The following PRKCZ variants were observed in gnomAD, a reference collection of about 807,000 sequenced individuals.
PRKCZ encodes protein kinase C zeta.
In PRKCZ, 33 loss-of-function variants were observed where a neutral mutation model predicts 79.5. The observed-to-expected ratio is 0.41, with a 90% CI of 0.31 to 0.55. The LOEUF is 0.55. Among genes scored for constraint, PRKCZ ranks in the 20% least tolerant of loss-of-function variants. The pLI is 0.19. For missense variants in PRKCZ, 578 were observed against 813.5 expected (o/e 0.71, Z 3.52); for synonymous variants, 342 against 320.9 (o/e 1.07, Z -0.70).
chr1:2,115,735 C>T (rs1013919067), intron 4 of PRKCZ, among the ~76,000 whole-genome samples: 4 of 152,116 alleles, frequency 2.6e-5, no homozygotes, highest in African/African-American at 7.2e-5. Flanking sequence ...CTTAGTGTAC[C>T]CGTTTATTAG....
chr1:2,052,115 C>T (rs904545303), intron 1 of PRKCZ, among the ~76,000 whole-genome samples: 2 of 152,176 alleles, frequency 1.3e-5, no homozygotes, highest in Admixed American at 6.5e-5. Context: ...AGCCACCACA[C>T]TGGGCAACAG....
Position 2,166,440 on chromosome 1 carries a change from C to T in PRKCZ, c.975-3078C>T, listed in dbSNP as rs186580708. ...TCTCAGAAAAACAGCCCCGAGGGCACGTGTCTCATGACTCCCGCCTCCCGC... is the reference window on the plus strand; with the variant it reads ...TCTCAGAAAAACAGCCCCGAGGGCATGTGTCTCATGACTCCCGCCTCCCGC... On this transcript the variant is annotated intron_variant, in intron 10 of 17. Transcript: ENST00000378567. Among the ~76,000 whole-genome samples the T allele has an allele frequency of 3.8e-3, 581 of 152,214 alleles. 3 individuals are homozygous for T. Among genetic ancestry groups the T allele is most frequent in the African/African-American group, 0.013 (524 of 41,536 alleles).
rs143384149 is a variant in PRKCZ at position 2,179,347 on chromosome 1, G to A, written c.1575+4034G>A. On this transcript the variant is annotated intron_variant, in intron 16 of 17. Transcript: ENST00000378567. ...TGAAGGAACTGGGTCCAGACAGCAC[G>A]TCCTGGCCTGGTGGCTGGGGCTGCC... is the stretch of plus-strand genomic sequence containing the variant. Among the ~76,000 whole-genome samples, 564 of 152,322 alleles carry A rather than the reference G, an allele frequency of 3.7e-3. 5 individuals carry two copies. Among genetic ancestry groups the A allele is most frequent in the African/African-American group, 0.011 (455 of 41,566 alleles).
rs529349270 is a variant in PRKCZ at position 2,147,701 on chromosome 1, C to T, written c.635-1171C>T. Among the ~76,000 whole-genome samples, 6 of 140,394 alleles carry T rather than the reference C, an allele frequency of 4.3e-5. No individual in the cohort carries two copies. The South Asian group carries it at 1.4e-3, about 33-fold the overall frequency. The allele number at this position is 140,394 out of a possible 152,430, so 92.1% of individuals were successfully genotyped here. A position where few individuals can be genotyped will look rare whatever the true frequency, so the allele number is the denominator to read the frequency against. ...GTCCATCTATCTGTTGTCCACTGAC[C>T]TGTCCACCCATCTGTCTGTTGTCCA... is the stretch of plus-strand genomic sequence containing the variant. On this transcript the variant is annotated intron_variant, in intron 7 of 17. Transcript: ENST00000378567.
intron 3 of PRKCZ, 106 bp from the exon 4 acceptor site, chr1:2,059,435 G>C: frequency 1.5e-6 from 2 of 1,375,136 alleles, no homozygotes; most frequent in Non-Finnish European, 2.0e-6. Context: ...CGTGCGCCTT[G>C]CGTGAAGTCC....
intron 4 of PRKCZ, among the ~76,000 whole-genome samples, chr1:2,108,738 G>A (rs1027205020): frequency 2.0e-5 from 3 of 152,228 alleles, no homozygotes; most frequent in Non-Finnish European, 2.9e-5. Context: ...CTGCCTGTCC[G>A]TCTTGCCTGG....
intron 1 of PRKCZ, among the ~76,000 whole-genome samples, chr1:2,053,495 C>T (rs999508849): frequency 2.0e-5 from 3 of 152,172 alleles, no homozygotes; most frequent in African/African-American, 7.2e-5. Context: ...TCCCGGGCGG[C>T]CCAGCTGGCT....
intron 3 of PRKCZ, among the ~76,000 whole-genome samples, chr1:2,058,305 A>AGTTTTTTTTTT (rs1660368652): frequency 7.1e-6 from 1 of 140,294 alleles, no homozygotes; most frequent in African/African-American, 2.9e-5. Flanking sequence ...GCCCGGCCCC[A>AGTTTTTTTTTT]ATTTTTTTTT....
In PRKCZ at chr1:2,124,356, T is replaced by C. The variant is rs1407094601; in HGVS notation, c.335-10906T>C. Among the ~76,000 whole-genome samples the C allele has an allele frequency of 9.5e-4, 117 of 122,818 alleles. 18 individuals are homozygous for C. Among genetic ancestry groups the C allele is most frequent in the African/African-American group, 2.8e-3 (83 of 29,864 alleles). 80.6% of individuals were successfully genotyped at this position (122,818 alleles called of 152,430 possible). On this transcript the variant is annotated intron_variant, in intron 4 of 17. Coordinates refer to ENST00000378567, the MANE Select transcript of PRKCZ (RefSeq NM_002744.6). ...ACGGTGGTGGTTAGGGTCACGGCGG[T>C]GGTTAGGGTCACGGCGGCGGTTAGG... is the stretch of plus-strand genomic sequence containing the variant.
chr1:2,174,031 G>C lies in PRKCZ; in HGVS notation c.1405+15G>C, dbSNP rs1279708209. On this transcript the variant is annotated intron_variant, in intron 14 of 17. Coordinates refer to ENST00000378567, the MANE Select transcript of PRKCZ (RefSeq NM_002744.6). This position sits in a 1 kb window ranked among gnomAD's most constrained non-coding sequence, Gnocchi z 6.2. Reference sequence around the variant, plus strand: ...CCTTTTCCAAGGTGCGTGCCCCGCTGTGCGTTCGTACCCCTCACCTGCACG... The same window carrying C: ...CCTTTTCCAAGGTGCGTGCCCCGCTCTGCGTTCGTACCCCTCACCTGCACG... 2 of 1,589,524 alleles carry C rather than the reference G, an allele frequency of 1.3e-6. No individual in the cohort carries two copies. Among genetic ancestry groups the C allele is most frequent in the Admixed American group, 3.4e-5 (2 of 58,144 alleles).
chr1:2,084,892 C>T (rs1475162807), intron 4 of PRKCZ, among the ~76,000 whole-genome samples: 2 of 152,116 alleles, frequency 1.3e-5, no homozygotes, highest in African/African-American at 2.4e-5. Flanking sequence ...CCTGTCGTTC[C>T]AGCTCCTCGG....
intron 4 of PRKCZ, among the ~76,000 whole-genome samples, chr1:2,091,957 G>T (rs111854428): frequency 6.6e-6 from 1 of 152,290 alleles, no homozygotes; most frequent in Non-Finnish European, 1.5e-5. Flanking sequence ...AATTATTTAA[G>T]GAGAAGACTC....
chr1:2,056,153 C>T (rs1660136348), intron 2 of PRKCZ, among the ~76,000 whole-genome samples: 1 of 152,234 alleles, frequency 6.6e-6, no homozygotes, highest in Non-Finnish European at 1.5e-5. Flanking sequence ...CCTTTCCAGC[C>T]ATAGAGGGCA....
In PRKCZ at chr1:2,169,695, A is replaced by G. The variant is rs571414883; in HGVS notation, c.1061+91A>G. 6.3e-4 allele frequency: 271 copies of G among 428,582 alleles called. 5 individuals carry two copies. The East Asian group carries it at 0.021, about 33-fold the overall frequency. The allele number at this position is 428,582 out of a possible 1,614,324, so 26.5% of individuals were successfully genotyped here. A position where few individuals can be genotyped will look rare whatever the true frequency, so the allele number is the denominator to read the frequency against. On this transcript the variant is annotated intron_variant, in intron 11 of 17. Coordinates refer to ENST00000378567, the MANE Select transcript of PRKCZ (RefSeq NM_002744.6). ...GTTGGGGGGCTGGGTGGGTGCGCACAGAGGGATGACGGGTGGGTGCGCGCG... is the reference window on the plus strand; with the variant it reads ...GTTGGGGGGCTGGGTGGGTGCGCACGGAGGGATGACGGGTGGGTGCGCGCG...
In PRKCZ at chr1:2,127,593, C is replaced by G. The variant is rs1049935285; in HGVS notation, c.335-7669C>G. On this transcript the variant is annotated intron_variant, in intron 4 of 17. Coordinates refer to ENST00000378567, the MANE Select transcript of PRKCZ (RefSeq NM_002744.6). This position sits in a 1 kb window ranked among gnomAD's most constrained non-coding sequence, Gnocchi z 5.1. ...ATGAAGGACTTCTGTTCAGACAGCT[C>G]TGCTGGGAGCGTTCTGGCCTGAAAT... Among the ~76,000 whole-genome samples the G allele has an allele frequency of 6.6e-6, 1 of 152,256 alleles. No homozygotes were observed. Among genetic ancestry groups the G allele is most frequent in the Non-Finnish European group, 1.5e-5 (1 of 68,038 alleles).
intron 10 of PRKCZ, among the ~76,000 whole-genome samples, chr1:2,161,664 T>C (rs1682340563): frequency 6.6e-6 from 1 of 152,172 alleles, no homozygotes; most frequent in African/African-American, 2.4e-5. Context: ...GTCATTGCCA[T>C]TCGGGGTCAC....
At chr1:2,069,978 G>T (rs771927451) in intron 4 of PRKCZ, among the ~76,000 whole-genome samples, 2 of 152,160 alleles carry the variant, frequency 1.3e-5, no homozygotes, top group Non-Finnish European at 2.9e-5. Flanking sequence ...GGAGGTGCCG[G>T]GGGTAGCCTG....
intron 1 of PRKCZ, chr1:2,051,082 A>C: frequency 6.0e-6 from 1 of 166,686 alleles, no homozygotes. Context: ...CGTTTCCTAA[A>C]CGTTCTCCAC....
intron 4 of PRKCZ, among the ~76,000 whole-genome samples, chr1:2,106,125 C>A (rs747186839): frequency 2.6e-5 from 4 of 152,226 alleles, no homozygotes; most frequent in Admixed American, 6.5e-5. Context: ...CCCCAGCCCC[C>A]TGTGGCTGAT....
Sources: allele counts gnomAD v4.1 joint callset (sites outside exome capture counted in the v4.1 genomes callset), GRCh38; gene constraint gnomAD v4.1.1; non-coding constraint Gnocchi (gnomAD v3.1); transcripts MANE v1.5; gene names NCBI Gene and HGNC (gene_info 2026-07-23, HGNC 2026-07-21).